The following MGAT5B variants were observed in gnomAD, a reference collection of about 807,000 sequenced individuals.
MGAT5B encodes the protein N-acetylglucosaminyl-transferase Vb.
MGAT5B carries 54 observed loss-of-function variants against 95.1 expected under a neutral mutation model. The ratio of observed to expected loss-of-function variants is 0.57; its 90% CI spans 0.46 to 0.71. MGAT5B has a LOEUF of 0.71. Among genes scored for constraint, MGAT5B ranks in the 30% least tolerant of loss-of-function variants. MGAT5B has a pLI of 0.00. For synonymous variants in MGAT5B, 464 were observed against 451.0 expected (o/e 1.03, Z -0.36); for missense variants, 935 against 1,088.6 (o/e 0.86, Z 1.99).
intron 10 of MGAT5B, among the ~76,000 whole-genome samples, chr17:76,929,507 T>C (rs1969416892): frequency 6.6e-6 from 1 of 152,240 alleles, no homozygotes; most frequent in African/African-American, 2.4e-5. Context: ...TGAAGTATGC[T>C]AGTTATTTGC....
At position 76,914,275 on chromosome 17, in the gene MGAT5B, G is replaced by A. The variant is rs1249789608; in HGVS notation, c.1025+8088G>A. Among the ~76,000 whole-genome samples the A allele has an allele frequency of 6.6e-6, 1 of 152,218 alleles. No individual in the cohort carries two copies. Among genetic ancestry groups the A allele is most frequent in the Non-Finnish European group, 1.5e-5 (1 of 68,038 alleles). ...TGGGCTGTGGGAGTGTGGAAGGCGG[G>A]ATGGGGAGGACACAGCAGTCGTGAG... On this transcript the variant is annotated intron_variant, in intron 8 of 17. Coordinates refer to ENST00000569840, the MANE Select transcript of MGAT5B (RefSeq NM_001199172.2). The surrounding 1 kb of genome is among the most constrained non-coding windows in gnomAD (Gnocchi z 5.1).
At chr17:76,888,373 G>A (rs927580008) in intron 3 of MGAT5B, among the ~76,000 whole-genome samples, 3 of 152,062 alleles carry the variant, frequency 2.0e-5, no homozygotes, top group Admixed American at 1.3e-4. Flanking sequence ...GAGAGGATCC[G>A]TCTCCCCTGC....
Position 76,918,719 on chromosome 17 carries a change from T to C in MGAT5B, c.1026-6247T>C, listed in dbSNP as rs147041417. The stretch of plus-strand genomic sequence containing the variant: ...CTTGGGAAACGGGCACTGGTCAGGT[T>C]TGGAGGATTTCAGGGCCCTGGGGAG... On this transcript the variant is annotated intron_variant, in intron 8 of 17. Coordinates refer to ENST00000569840, the MANE Select transcript of MGAT5B (RefSeq NM_001199172.2). This position sits in a 1 kb window ranked among gnomAD's most constrained non-coding sequence, Gnocchi z 5.1. Among the ~76,000 whole-genome samples the C allele has an allele frequency of 1.1e-3, 168 of 152,132 alleles. No individual in the cohort carries two copies. The highest frequency in any genetic ancestry group is 3.7e-3 in the African/African-American group (153 of 41,510).
intron 8 of MGAT5B, among the ~76,000 whole-genome samples, chr17:76,919,443 T>A (rs752917793): frequency 3.3e-4 from 50 of 152,330 alleles, no homozygotes; most frequent in Admixed American, 5.9e-4. Context: ...ATTATTCGTA[T>A]TTTTAAGACC....
At chr17:76,874,760 C>T (rs984093506) in intron 2 of MGAT5B, among the ~76,000 whole-genome samples, 2 of 152,052 alleles carry the variant, frequency 1.3e-5, no homozygotes, top group Admixed American at 1.3e-4. Context: ...ACTCAGTGCC[C>T]CAGAGTGCAA....
rs1163732984 is a variant in MGAT5B at position 76,906,215 on chromosome 17, T to G, written c.1025+28T>G. On this transcript the variant is annotated intron_variant, in intron 8 of 17. Transcript: ENST00000569840. This position sits in a 1 kb window ranked among gnomAD's most constrained non-coding sequence, Gnocchi z 4.6. ...GAGTGCTGGGGAAAGCCACTGGCAT[T>G]AAGTGGGGCAGGGAGGGGATGAAGG... 1 of 1,576,840 alleles carries G rather than the reference T, an allele frequency of 6.3e-7. No homozygotes were observed. The highest frequency in any genetic ancestry group is 2.4e-5 in the East Asian group (1 of 41,308).
chr17:76,922,995 C>T (rs1018617091), intron 8 of MGAT5B, among the ~76,000 whole-genome samples: 2 of 152,118 alleles, frequency 1.3e-5, no homozygotes, highest in Non-Finnish European at 2.9e-5. Context: ...CTCTGCAGGG[C>T]GAGGCTGACC....
At chr17:76,923,898 T>TG (rs934353968) in intron 8 of MGAT5B, 1 of 151,624 alleles carries the variant, frequency 6.6e-6, no homozygotes, top group Non-Finnish European at 1.5e-5. Context: ...TCTGGTGGAG[T>TG]GGGGATGGGA....
intron 1 of MGAT5B, chr17:76,872,580 C>A: frequency 7.5e-7 from 1 of 1,333,498 alleles, no homozygotes; most frequent in African/African-American, 1.5e-5. Flanking sequence ...TGCCTGGAGG[C>A]TAGAGCCCGC....
Position 76,932,761 on chromosome 17 carries a change from G to A in MGAT5B, c.1408G>A (p.Ala470Thr). 1 of 1,613,674 alleles carries A rather than the reference G, an allele frequency of 6.2e-7. No individual in the cohort carries two copies. Among genetic ancestry groups the A allele is most frequent in the Non-Finnish European group, 8.5e-7 (1 of 1,179,846 alleles). ...SNMAVVYGKE[A>T]SIWKLQGKEK... ...CATGGCCGTGGTGTACGGCAAGGAG[G>A]CGAGCATCTGGAAGGTGAGCGCGGC... is the stretch of plus-strand genomic sequence containing the variant. Residue 470 changes from alanine to threonine, a missense_variant, in exon 11 of 18, where the codon GCG becomes ACG. This residue lies in a region of MGAT5B where 440 missense variants were observed against 523.6 expected (regional missense o/e 0.84). Transcript: ENST00000569840.
At position 76,912,566 on chromosome 17, in the gene MGAT5B, G is replaced by T. The variant is rs1192548360; in HGVS notation, c.1025+6379G>T. 6.6e-6 allele frequency among the ~76,000 whole-genome samples: 1 copy of T among 152,106 alleles called. No homozygotes were observed. Among genetic ancestry groups the T allele is most frequent in the Non-Finnish European group, 1.5e-5 (1 of 68,020 alleles). On this transcript the variant is annotated intron_variant, in intron 8 of 17. Transcript: ENST00000569840. This position sits in a 1 kb window ranked among gnomAD's most constrained non-coding sequence, Gnocchi z 5.0. ...TTATTCGCAGATGTTCACGGCAGAT[G>T]TCCTGGCCACTGATGGAGCAACAAG...
Position 76,949,761 on chromosome 17 carries a change from T to C in MGAT5B, c.*923T>C, listed in dbSNP as rs11657635. On this transcript the variant is annotated 3_prime_UTR_variant, in exon 18 of 18. Coordinates refer to ENST00000569840, the MANE Select transcript of MGAT5B (RefSeq NM_001199172.2). ...TGCCTGGGGGGTGGCCTTCATGCAC[T>C]AGCCACTTCCGCAGGTGCTGACTCC... is the stretch of plus-strand genomic sequence containing the variant. The C allele has an allele frequency of 0.86, 130,098 of 152,146 alleles. 55,846 individuals are homozygous for C. Among genetic ancestry groups the C allele is most frequent in the Non-Finnish European group, 0.87 (59,384 of 68,054 alleles). 9.4% of individuals were successfully genotyped at this position (152,146 alleles called of 1,614,324 possible). A position where few individuals can be genotyped will look rare whatever the true frequency, so the allele number is the denominator to read the frequency against.
chr17:76,923,367 T>C (rs1169720513), intron 8 of MGAT5B, among the ~76,000 whole-genome samples: 2 of 138,432 alleles, frequency 1.4e-5, no homozygotes, highest in African/African-American at 5.9e-5. Flanking sequence ...GGAGGTGTCC[T>C]GGGCCTCCTG....
intron 10 of MGAT5B, 111 bp from the exon 11 acceptor site, chr17:76,932,534 C>T: frequency 6.6e-7 from 1 of 1,514,006 alleles, no homozygotes; most frequent in Non-Finnish European, 8.9e-7. Context: ...TGCCCCGCCC[C>T]CTTTCCCACC....
chr17:76,943,845 C>A (rs1056710565), intron 15 of MGAT5B: 1 of 152,088 alleles, frequency 6.6e-6, no homozygotes, highest in Non-Finnish European at 1.5e-5. Context: ...GTCATGTGGC[C>A]TTTTACAGGG....
At chr17:76,937,849 CCAG>C in intron 12 of MGAT5B, 136 bp from the exon 13 acceptor site, 1 of 961,254 alleles carries the variant, frequency 1.0e-6, no homozygotes, top group African/African-American at 1.6e-5. Flanking sequence ...GGGGCCTTTC[CCAG>C]TGTCCCACAG....
In MGAT5B at chr17:76,901,067, C is replaced by T. The variant is rs12452718; in HGVS notation, c.330-1488C>T. On this transcript the variant is annotated intron_variant, in intron 3 of 17. Transcript: ENST00000569840. ...ACTTCGGTGTCTGCTTTGCTCCCAC[C>T]TGTCACCCTGACTAGTCCCCCGATG... Among the ~76,000 whole-genome samples the T allele has an allele frequency of 5.9e-5, 9 of 152,204 alleles. 1 individual carries two copies. Among genetic ancestry groups the T allele is most frequent in the Admixed American group, 4.6e-4 (7 of 15,292 alleles).
chr17:76,925,069 C>T lies in MGAT5B; in HGVS notation c.1129C>T (p.His377Tyr), dbSNP rs1969258834. 6.2e-7 allele frequency: 1 copy of T among 1,611,380 alleles called. No homozygotes were observed. The highest frequency in any genetic ancestry group is 1.3e-5 in the African/African-American group (1 of 74,576). Residue 377 changes from histidine to tyrosine, a missense_variant, in exon 9 of 18, where the codon CAC (histidine) becomes TAC (tyrosine). Physicochemically the swap from His to Tyr is moderately conservative, Grantham distance 83. Transcript: ENST00000569840. ...CCACGGCCTGCAGCAGATGAAGCGG[C>T]ACATGGGACTCTCCTTCAAGAAGTA... ...DYHGLQQMKR[H>Y]MGLSFKKYRC...
Position 76,872,942 on chromosome 17 carries a change from C to G in MGAT5B, c.160C>G (p.Pro54Ala). 6.2e-7 allele frequency: 1 copy of G among 1,614,052 alleles called. No homozygotes were observed. Among genetic ancestry groups the G allele is most frequent in the Non-Finnish European group, 8.5e-7 (1 of 1,180,044 alleles). ...CTCGGCCCGGCGCCTGGGGGACTCG[C>G]CATTCACCATCCGCACAGAAGGTAC... ...QFSARRLGDS[P>A]FTIRTEVMGG... Residue 54 changes from proline to alanine, a missense_variant, in exon 2 of 18, where the codon CCA becomes GCA. Transcript: ENST00000569840.
Sources: allele counts gnomAD v4.1 joint callset (sites outside exome capture counted in the v4.1 genomes callset), GRCh38; gene constraint gnomAD v4.1.1; regional missense constraint gnomAD v4.1.1; non-coding constraint Gnocchi (gnomAD v3.1); transcripts MANE v1.5; gene names NCBI Gene and HGNC (gene_info 2026-07-23, HGNC 2026-07-21).